PCMTD1: variants seen among roughly 807,000 people sequenced by gnomAD.
PCMTD1 encodes protein-L-isoaspartate (D-aspartate) O-methyltransferase domain containing 1, also known as protein-L-isoaspartate O-methyltransferase domain-containing protein 1.
A neutral mutation model predicts 37.6 loss-of-function variants in PCMTD1; 12 were observed. That is an observed-to-expected ratio of 0.32 (90% CI 0.20 to 0.52). The LOEUF (loss-of-function observed/expected upper bound fraction) is 0.52, where lower values mean the gene tolerates loss of function less well. PCMTD1 is among the 20% of genes least tolerant of loss of function. The pLI, the probability that PCMTD1 is intolerant of heterozygous loss-of-function variation, is 0.97. For synonymous variants in PCMTD1, 117 were observed against 135.8 expected, an observed-to-expected ratio of 0.86 and a Z score of 0.96; for missense variants, 235 against 421.3, an observed-to-expected ratio of 0.56 and a Z score of 3.87.
chr8:51,853,855 T>C (rs1183040930), intron 2 of PCMTD1, among the ~76,000 whole-genome samples: 3 of 152,024 alleles, frequency 2.0e-5, no homozygotes, highest in Non-Finnish European at 4.4e-5. Flanking sequence ...AGAACTTCAC[T>C]TTATCCCACC....
At chr8:51,864,846 A>G (rs1389848995) in intron 1 of PCMTD1, among the ~76,000 whole-genome samples, 2 of 152,118 alleles carry the variant, frequency 1.3e-5, no homozygotes, top group African/African-American at 2.4e-5. Context: ...GATAAGATTC[A>G]GAACAGAAAT....
At chr8:51,880,260 G>T (rs2129291887) in intron 1 of PCMTD1, among the ~76,000 whole-genome samples, 1 of 151,862 alleles carries the variant, frequency 6.6e-6, no homozygotes. Flanking sequence ...TTTGCCAGAA[G>T]AATTACTAAA....
chr8:51,837,975 G>A (rs1403778715), intron 3 of PCMTD1, among the ~76,000 whole-genome samples: 3 of 151,958 alleles, frequency 2.0e-5, no homozygotes, highest in Non-Finnish European at 4.4e-5. Flanking sequence ...AGATGGGGCT[G>A]TACTAGTAGA....
chr8:51,861,006 T>C lies in PCMTD1; in HGVS notation c.146A>G (p.Asn49Ser), dbSNP rs751931264. The part of the protein sequence containing the change: ...GDYYLEGYRD[N>S]AYKDLAWKHG... ...CTTCCAGGCTAAGTCTTTGTAAGCA[T>C]TGTCTCTGTAGCCTTCCAAATAGTA... Residue 49 changes from asparagine (N) to serine (S), a missense_variant, in exon 2 of 6, where the codon AAT (asparagine) becomes AGT (serine). Coordinates refer to ENST00000522514, the MANE Select transcript of PCMTD1 (RefSeq NM_052937.4). 1.7e-5 allele frequency: 27 copies of C among 1,614,002 alleles called. No homozygotes were observed. The highest frequency in any genetic ancestry group is 3.3e-5 in the South Asian group (3 of 91,086).
intron 3 of PCMTD1, among the ~76,000 whole-genome samples, chr8:51,844,459 C>G (rs1342997119): frequency 6.6e-6 from 1 of 152,138 alleles, no homozygotes; most frequent in Non-Finnish European, 1.5e-5. Flanking sequence ...CAGTTACAAT[C>G]ACACCTAGGT....
chr8:51,817,680 C>A lies in PCMTD1; in HGVS notation c.*2671G>T, dbSNP rs1467507374. On this transcript the variant is annotated 3_prime_UTR_variant, in exon 6 of 6. Coordinates refer to ENST00000522514, the MANE Select transcript of PCMTD1 (RefSeq NM_052937.4). Reference sequence around the variant, plus strand: ...TTTATCATCTCAAACAGCTATAAATCAACACACTTTTTGTATTTTATTTTA... The same window carrying A: ...TTTATCATCTCAAACAGCTATAAATAAACACACTTTTTGTATTTTATTTTA... The A allele has an allele frequency of 3.8e-6, 1 of 260,262 alleles. No individual in the cohort carries two copies. Among genetic ancestry groups the A allele is most frequent in the Non-Finnish European group, 7.6e-6 (1 of 131,042 alleles). 16.1% of individuals were successfully genotyped at this position (260,262 alleles called of 1,614,324 possible).
intron 1 of PCMTD1, among the ~76,000 whole-genome samples, chr8:51,871,456 TG>T (rs759998533): frequency 7.9e-5 from 12 of 152,238 alleles, no homozygotes; most frequent in Non-Finnish European, 1.5e-4. Flanking sequence ...TGAGCTTACC[TG>T]GGCTAAGACA....
intron 1 of PCMTD1, among the ~76,000 whole-genome samples, chr8:51,878,564 T>G (rs546583483): frequency 2.7e-5 from 4 of 149,282 alleles, no homozygotes; most frequent in South Asian, 4.3e-4. Flanking sequence ...CTGGGCAACA[T>G]AGTGAGACCC....
At chr8:51,825,994 C>T (rs2037916217) in intron 5 of PCMTD1, among the ~76,000 whole-genome samples, 1 of 152,110 alleles carries the variant, frequency 6.6e-6, no homozygotes, top group Non-Finnish European at 1.5e-5. Flanking sequence ...TAACATTTGA[C>T]CCAGCAATCC....
intron 1 of PCMTD1, among the ~76,000 whole-genome samples, chr8:51,888,997 A>C (rs549510514): frequency 2.0e-5 from 3 of 152,262 alleles, no homozygotes; most frequent in Non-Finnish European, 4.4e-5. Context: ...AGATGATTCA[A>C]ATCTGCTTTA....
chr8:51,833,690 C>A lies in PCMTD1; in HGVS notation c.411-1G>T. The A allele has an allele frequency of 6.2e-7, 1 of 1,601,096 alleles. No homozygotes were observed. On this transcript the variant is annotated splice_acceptor_variant, in intron 3 of 5. Coordinates refer to ENST00000522514, the MANE Select transcript of PCMTD1 (RefSeq NM_052937.4). LOFTEE classifies it high-confidence loss of function. Reference sequence around the variant, plus strand: ...AAATGCAGGTTCACAGAACTCAAATCTGCATTGAAAAACAAACATTTTAAT... The same window carrying A: ...AAATGCAGGTTCACAGAACTCAAATATGCATTGAAAAACAAACATTTTAAT...
At chr8:51,844,463 C>T (rs2038190095) in intron 3 of PCMTD1, among the ~76,000 whole-genome samples, 1 of 152,130 alleles carries the variant, frequency 6.6e-6, no homozygotes. Flanking sequence ...TACAATCACA[C>T]CTAGGTAGAC....
chr8:51,899,146 G>C, upstream of PCMTD1: 1 of 1,352,892 alleles, frequency 7.4e-7, no homozygotes, highest in Admixed American at 3.5e-5. Flanking sequence ...GCAGCTCCCC[G>C]CGGACGCCAA....
intron 1 of PCMTD1, among the ~76,000 whole-genome samples, chr8:51,885,488 T>A (rs1229862537): frequency 1.3e-5 from 2 of 152,212 alleles, no homozygotes; most frequent in Non-Finnish European, 2.9e-5. Flanking sequence ...CTTCATCTAC[T>A]GCAGTCGGCT....
Position 51,861,236 on chromosome 8 carries a change from A to G in PCMTD1, c.-85T>C. The G allele has an allele frequency of 6.8e-7, 1 of 1,469,468 alleles. No homozygotes were observed. The highest frequency in any genetic ancestry group is 1.5e-5 in the South Asian group (1 of 67,458). The allele number at this position is 1,469,468 out of a possible 1,614,324, so 91.0% of individuals were successfully genotyped here. On this transcript the variant is annotated 5_prime_UTR_variant, in exon 2 of 6. Coordinates refer to ENST00000522514, the MANE Select transcript of PCMTD1 (RefSeq NM_052937.4). Reference sequence around the variant, plus strand: ...CCAATATTGCACTTGATTTCCAAAAATAAATTAATCCTGGAAGGGAAGAAC... The same window carrying G: ...CCAATATTGCACTTGATTTCCAAAAGTAAATTAATCCTGGAAGGGAAGAAC...
chr8:51,831,415 T>C (rs770912722), intron 5 of PCMTD1, 29 bp downstream of exon 5: 7 of 1,606,806 alleles, frequency 4.4e-6, no homozygotes, highest in Non-Finnish European at 6.0e-6. Flanking sequence ...AAGTCATAAT[T>C]CAATCAGAAA....
intron 1 of PCMTD1, among the ~76,000 whole-genome samples, chr8:51,877,322 A>C (rs1319686339): frequency 6.6e-6 from 1 of 152,150 alleles, no homozygotes; most frequent in African/African-American, 2.4e-5. Context: ...AGTAACTCAG[A>C]ACTTTTTAAA....
At chr8:51,888,831 C>T (rs1013621) in intron 1 of PCMTD1, among the ~76,000 whole-genome samples, 77,155 of 152,024 alleles carry the variant, frequency 0.51, 23,690 homozygotes, top group Non-Finnish European at 0.68. Context: ...CATAACTCAA[C>T]CATTTCTTAG....
intron 1 of PCMTD1, among the ~76,000 whole-genome samples, chr8:51,897,720 T>C (rs1019210337): frequency 2.2e-4 from 34 of 152,194 alleles, no homozygotes; most frequent in African/African-American, 5.5e-4. Flanking sequence ...TCAAAGCTAC[T>C]GATTATTGAA....
Sources: allele counts gnomAD v4.1 joint callset (sites outside exome capture counted in the v4.1 genomes callset), GRCh38; gene constraint gnomAD v4.1.1; transcripts MANE v1.5; gene names NCBI Gene and HGNC (gene_info 2026-07-23, HGNC 2026-07-21).